ANKRD26: variants seen among roughly 807,000 people sequenced by gnomAD.
ANKRD26 encodes ankyrin repeat domain 26.
A neutral mutation model predicts 208.7 loss-of-function variants in ANKRD26; 141 were observed. The observed-to-expected ratio is 0.68, with a 90% CI of 0.59 to 0.78. The LOEUF (loss-of-function observed/expected upper bound fraction) is 0.78, where lower values mean the gene tolerates loss of function less well. Among genes scored for constraint, ANKRD26 ranks in the 30% least tolerant of loss-of-function variants. ANKRD26 has a pLI of 0.00. For synonymous variants in ANKRD26, 636 were observed against 660.4 expected, an observed-to-expected ratio of 0.96 and a Z score of 0.57; for missense variants, 1,889 against 1,938.7, an observed-to-expected ratio of 0.97 and a Z score of 0.48.
intron 23 of ANKRD26, 29 bp downstream of exon 23, chr10:27,037,157 T>C: frequency 6.2e-7 from 1 of 1,608,084 alleles, no homozygotes. Flanking sequence ...ACACACATAT[T>C]TGAAAATGAC....
Position 27,053,332 on chromosome 10 carries a change from AT to A in ANKRD26, c.1622del (p.Asn541IlefsTer41). The part of the protein sequence containing the change: ...EEEQEREGSE[N>X]NQPQVEEERK... ...AAATATATAATACCTGTGGCTGGTT[AT>A]TTTCACTCCCTTCCCTTTCTTGCTC... On this transcript the variant is annotated frameshift_variant, in exon 16 of 34. Transcript: ENST00000376087. LOFTEE classifies it high-confidence loss of function. 1 of 1,608,888 alleles carries A rather than the reference AT, an allele frequency of 6.2e-7. No individual in the cohort carries two copies. The highest frequency in any genetic ancestry group is 8.5e-7 in the Non-Finnish European group (1 of 1,177,264).
downstream of ANKRD26, among the ~76,000 whole-genome samples, chr10:27,003,467 T>C (rs1335639566): frequency 6.6e-6 from 1 of 152,236 alleles, no homozygotes; most frequent in Non-Finnish European, 1.5e-5. Flanking sequence ...TGCTTTATCT[T>C]GTGGGTGAAG....
intron 11 of ANKRD26, among the ~76,000 whole-genome samples, chr10:27,064,971 C>T (rs1279991995): frequency 2.0e-5 from 3 of 152,136 alleles, no homozygotes; most frequent in South Asian, 2.1e-4. Context: ...ATGGTTACCC[C>T]GCTTCCTGCT....
chr10:26,959,277 CAAA>C, the ANKRD26 span, among the ~76,000 whole-genome samples: 2 of 69,462 alleles, frequency 2.9e-5, no homozygotes, highest in African/African-American at 5.5e-5. Context: ...GATTGTGTCT[CAAA>C]AAAAAAAAAA....
At chr10:27,086,452 C>A in intron 5 of ANKRD26, 87 bp downstream of exon 5, 1 of 1,534,816 alleles carries the variant, frequency 6.5e-7, no homozygotes, top group Non-Finnish European at 8.8e-7. Context: ...ATTTTTAAAA[C>A]TGCTTTTCTG....
intron 4 of ANKRD26, among the ~76,000 whole-genome samples, chr10:27,088,687 C>T (rs2056201126): frequency 6.6e-6 from 1 of 152,148 alleles, no homozygotes; most frequent in South Asian, 2.1e-4. Flanking sequence ...CCTTTCACTA[C>T]CTAAGAAAAT....
intron 1 of ANKRD26, among the ~76,000 whole-genome samples, chr10:27,094,818 T>C (rs545170822): frequency 8.6e-5 from 13 of 151,974 alleles, no homozygotes; most frequent in East Asian, 7.7e-4. Flanking sequence ...CTGGGCAACA[T>C]AGTGAGACTC....
chr10:27,080,398 C>T (rs2055864140), intron 6 of ANKRD26, among the ~76,000 whole-genome samples: 1 of 151,976 alleles, frequency 6.6e-6, no homozygotes, highest in African/African-American at 2.4e-5. Context: ...GCTAGATGGG[C>T]AAAAGTCAAA....
At chr10:27,027,689 A>T (rs577505979) in intron 27 of ANKRD26, among the ~76,000 whole-genome samples, 1 of 152,246 alleles carries the variant, frequency 6.6e-6, no homozygotes, top group Non-Finnish European at 1.5e-5. Flanking sequence ...CCATGAATAC[A>T]ATAAATATTT....
chr10:27,037,141 A>G (rs774120152), intron 23 of ANKRD26, 45 bp downstream of exon 23: 5 of 1,584,200 alleles, frequency 3.2e-6, no homozygotes, highest in Non-Finnish European at 3.5e-6. Context: ...ACATATAAAT[A>G]CATATACACA....
intron 9 of ANKRD26, among the ~76,000 whole-genome samples, chr10:27,074,055 T>C (rs2135550917): frequency 6.6e-6 from 1 of 151,872 alleles, no homozygotes; most frequent in East Asian, 1.9e-4. Flanking sequence ...TCAAAAATAA[T>C]TACAAGAAAT....
intron 4 of ANKRD26, 107 bp downstream of exon 4, chr10:27,092,299 C>A (rs960328068): frequency 1.3e-6 from 1 of 760,914 alleles, no homozygotes; most frequent in Non-Finnish European, 2.2e-6. Flanking sequence ...CACTGTTGCC[C>A]CTCAAGAACA....
chr10:27,035,311 T>C lies in ANKRD26; in HGVS notation c.3139A>G (p.Lys1047Glu). The C allele has an allele frequency of 6.2e-7, 1 of 1,613,938 alleles. No individual in the cohort carries two copies. Among genetic ancestry groups the C allele is most frequent in the Non-Finnish European group, 8.5e-7 (1 of 1,179,892 alleles). ...ARDECSRLQD[K>E]MNFDVSNLKD... ...AGGTTAGACACATCAAAATTCATTT[T>C]GTCCTGTAAACGAGAACATTCATCT... The change falls in exon 24 of 34, where the codon AAA (lysine) becomes GAA (glutamate). Residue 1047 changes from lysine to glutamate, a missense_variant. Lys to Glu is a moderately conservative substitution (Grantham distance 56). Around this residue, in one of 3 missense-constraint regions of ANKRD26, gnomAD observed 1,272 missense variants for 1,273.8 expected, o/e 1.00. Coordinates refer to ENST00000376087, the MANE Select transcript of ANKRD26 (RefSeq NM_014915.3).
the ANKRD26 span, among the ~76,000 whole-genome samples, chr10:26,955,536 C>CTTCCATGAG: frequency 6.6e-6 from 1 of 151,878 alleles, no homozygotes; most frequent in Non-Finnish European, 1.5e-5. Context: ...TCCAATTTGC[C>CTTCCATGAG]TTCCATGAGT....
At position 27,054,157 on chromosome 10, in the gene ANKRD26, T is replaced by G. The variant is rs559906816; in HGVS notation, c.1565-767A>C. Reference sequence around the variant, plus strand: ...TCCATCTGAACTGTATATTATTTATTTATATGTTTATGCCCTTGCTCCCAG... The same window carrying G: ...TCCATCTGAACTGTATATTATTTATGTATATGTTTATGCCCTTGCTCCCAG... On this transcript the variant is annotated intron_variant, in intron 15 of 33. Coordinates refer to ENST00000376087, the MANE Select transcript of ANKRD26 (RefSeq NM_014915.3). Among the ~76,000 whole-genome samples, 11 of 152,312 alleles carry G rather than the reference T, an allele frequency of 7.2e-5. No homozygotes were observed. The East Asian group carries it at 2.1e-3, about 29-fold the overall frequency.
At chr10:27,039,938 C>T in intron 21 of ANKRD26, 27 bp downstream of exon 21, 1 of 1,591,526 alleles carries the variant, frequency 6.3e-7, no homozygotes, top group Non-Finnish European at 8.6e-7. Context: ...AATAGTTAAA[C>T]ATTTCTTTAA....
At chr10:27,055,742 A>G (rs1158247740) in intron 15 of ANKRD26, among the ~76,000 whole-genome samples, 1 of 152,224 alleles carries the variant, frequency 6.6e-6, no homozygotes, top group East Asian at 1.9e-4. Context: ...TACACTATAG[A>G]GCAAATTCTC....
intron 12 of ANKRD26, chr10:27,061,938 C>T: frequency 1.0e-6 from 1 of 984,836 alleles, no homozygotes; most frequent in Non-Finnish European, 1.2e-6. Context: ...CCAATTCTAG[C>T]ATGCCCTCCT....
At chr10:26,959,895 A>G in the ANKRD26 span, among the ~76,000 whole-genome samples, 14,401 of 152,174 alleles carry the variant, frequency 0.095, 1,364 homozygotes, top group East Asian at 0.48. Flanking sequence ...ATTGATGCGT[A>G]TATGTTTTAT....
Sources: allele counts gnomAD v4.1 joint callset (sites outside exome capture counted in the v4.1 genomes callset), GRCh38; gene constraint gnomAD v4.1.1; regional missense constraint gnomAD v4.1.1; transcripts MANE v1.5; gene names NCBI Gene and HGNC (gene_info 2026-07-23, HGNC 2026-07-21).